The following COL5A2 variants were observed in gnomAD, a reference collection of about 807,000 sequenced individuals.
The protein encoded by COL5A2 is collagen type V alpha 2 chain.
A neutral mutation model predicts 208.2 loss-of-function variants in COL5A2; 23 were observed. The observed-to-expected ratio is 0.11, with a 90% CI of 0.08 to 0.16. The LOEUF (loss-of-function observed/expected upper bound fraction) is 0.16. Among genes scored for constraint, COL5A2 ranks in the 10% least tolerant of loss-of-function variants. COL5A2 has a pLI of 1.00. For synonymous variants in COL5A2, 625 were observed against 628.5 expected (o/e 0.99, Z 0.08); for missense variants, 1,590 against 1,956.4 (o/e 0.81, Z 3.53).
the COL5A2 span, among the ~76,000 whole-genome samples, chr2:189,240,856 A>G: frequency 1.3e-5 from 2 of 152,200 alleles, no homozygotes; most frequent in African/African-American, 4.8e-5. Flanking sequence ...GCAATCAATA[A>G]AATCTAAGAC....
Position 189,063,257 on chromosome 2 carries a change from T to C in COL5A2, c.1784A>G (p.Glu595Gly). 6.2e-7 allele frequency: 1 copy of C among 1,613,856 alleles called. No homozygotes were observed. Among genetic ancestry groups the C allele is most frequent in the Non-Finnish European group, 8.5e-7 (1 of 1,179,962 alleles). Residue 595 changes from glutamate to glycine, a missense_variant, in exon 27 of 54, where the codon GAA becomes GGA. Transcript: ENST00000374866. Reference sequence around the variant, plus strand: ...GCCTGGAGGACCTGGACGGCCATCTTCCCCTGGCGCACCCTATAGAATTGA... The same window carrying C: ...GCCTGGAGGACCTGGACGGCCATCTCCCCCTGGCGCACCCTATAGAATTGA... ...GKLGPLGAPG[E>G]DGRPGPPGSI...
intron 29 of COL5A2, among the ~76,000 whole-genome samples, chr2:189,062,163 T>C (rs1316620824): frequency 2.1e-5 from 3 of 143,362 alleles, no homozygotes; most frequent in Non-Finnish European, 3.0e-5. Flanking sequence ...TCCTTTTATG[T>C]CCTAAAAAAT....
At chr2:189,178,742 G>A in intron 1 of COL5A2, among the ~76,000 whole-genome samples, 1 of 148,706 alleles carries the variant, frequency 6.7e-6, no homozygotes, top group East Asian at 2.0e-4. Flanking sequence ...TTGGGTCTAA[G>A]GGGTAATGTC....
chr2:189,249,689 G>GT, the COL5A2 span, among the ~76,000 whole-genome samples: 1 of 152,110 alleles, frequency 6.6e-6, no homozygotes, highest in Non-Finnish European at 1.5e-5. Flanking sequence ...AGTTATCTGT[G>GT]TTTTTGGTTT....
the COL5A2 span, among the ~76,000 whole-genome samples, chr2:189,347,666 A>G: frequency 6.6e-6 from 1 of 152,290 alleles, no homozygotes. Flanking sequence ...TAAAAGGGCC[A>G]GTCTTGACAT....
At chr2:189,301,357 G>A in the COL5A2 span, among the ~76,000 whole-genome samples, 81 of 152,204 alleles carry the variant, frequency 5.3e-4, no homozygotes, top group African/African-American at 1.9e-3. Flanking sequence ...ACCACTTAAA[G>A]CCAAGTAAAA....
At chr2:189,410,273 C>A in the COL5A2 span, among the ~76,000 whole-genome samples, 1 of 152,050 alleles carries the variant, frequency 6.6e-6, no homozygotes, top group African/African-American at 2.4e-5. Flanking sequence ...ATCATTTAGT[C>A]ATCAAACTTG....
chr2:189,049,554 T>A, intron 43 of COL5A2, 100 bp from the exon 44 acceptor site: 2 of 857,462 alleles, frequency 2.3e-6, no homozygotes, highest in Non-Finnish European at 3.8e-6. Context: ...GGGCTCCTTC[T>A]ATAATAATAA....
At chr2:189,333,745 A>C in the COL5A2 span, among the ~76,000 whole-genome samples, 1 of 152,202 alleles carries the variant, frequency 6.6e-6, no homozygotes, top group South Asian at 2.1e-4. Flanking sequence ...GAACTCACCA[A>C]TCTATCAGTC....
the COL5A2 span, among the ~76,000 whole-genome samples, chr2:189,324,260 G>T: frequency 6.6e-6 from 1 of 152,166 alleles, no homozygotes; most frequent in African/African-American, 2.4e-5. Flanking sequence ...CATGGGCAAG[G>T]ATTTCATGTC....
chr2:189,353,465 T>C, the COL5A2 span, among the ~76,000 whole-genome samples: 3 of 152,220 alleles, frequency 2.0e-5, no homozygotes, highest in Non-Finnish European at 4.4e-5. Context: ...TCTTATTTCC[T>C]TGAGCAGTGG....
chr2:189,358,854 G>C, the COL5A2 span, among the ~76,000 whole-genome samples: 2 of 143,044 alleles, frequency 1.4e-5, no homozygotes, highest in Non-Finnish European at 1.6e-5. Flanking sequence ...TTGCCTTCTT[G>C]ATTTTTTTTT....
intron 14 of COL5A2, 36 bp downstream of exon 14, chr2:189,079,942 C>G: frequency 6.3e-7 from 1 of 1,579,486 alleles, no homozygotes; most frequent in Non-Finnish European, 8.7e-7. Context: ...ACTAAGATGC[C>G]AAAGTGAGGT....
chr2:189,361,608 C>G, the COL5A2 span, among the ~76,000 whole-genome samples: 1 of 151,566 alleles, frequency 6.6e-6, no homozygotes, highest in Non-Finnish European at 1.5e-5. Context: ...AATTTACATT[C>G]AAATTTATTA....
At chr2:189,283,721 C>T in the COL5A2 span, among the ~76,000 whole-genome samples, 30 of 151,872 alleles carry the variant, frequency 2.0e-4, no homozygotes, top group Non-Finnish European at 3.7e-4. Flanking sequence ...GACAAATGTG[C>T]CATGTCAATA....
intron 23 of COL5A2, among the ~76,000 whole-genome samples, chr2:189,065,692 G>A (rs572058037): frequency 2.6e-5 from 4 of 152,238 alleles, no homozygotes; most frequent in African/African-American, 9.6e-5. Context: ...TTTGTGAAAC[G>A]CTTTGCATTC....
In COL5A2 at chr2:189,034,083, A is replaced by G. The variant is rs1392915983; in HGVS notation, c.4487T>C (p.Val1496Ala). 1 of 1,613,962 alleles carries G rather than the reference A, an allele frequency of 6.2e-7. No individual in the cohort carries two copies. The highest frequency in any genetic ancestry group is 1.7e-5 in the Admixed American group (1 of 60,006). ...TCTTGGCTTACTTTACACAAAACAA[A>G]CTGGCCCAATTTCAACGCCGAATTC... Reference protein sequence around the residue: ...DQEFGVEIGPVCFV With the variant: ...DQEFGVEIGPACFV The change falls in exon 54 of 54, where the codon GTT (valine) becomes GCT (alanine). Residue 1496 changes from valine (V) to alanine (A), a missense_variant. Coordinates refer to ENST00000374866, the MANE Select transcript of COL5A2 (RefSeq NM_000393.5).
rs368884473 is a variant in COL5A2 at position 189,153,981 on chromosome 2, G to C, written c.97+25527C>G. Among the ~76,000 whole-genome samples the C allele has an allele frequency of 3.6e-4, 55 of 152,144 alleles. 1 individual carries two copies. The highest frequency in any genetic ancestry group is 1.1e-3 in the African/African-American group (45 of 41,504). On this transcript the variant is annotated intron_variant, in intron 1 of 53. Transcript: ENST00000374866. The stretch of plus-strand genomic sequence containing the variant: ...AGCTTTCCAATATTCCCTGGCTATG[G>C]AAAATTGCAACCTACTGACTGCAAA...
intron 1 of COL5A2, among the ~76,000 whole-genome samples, chr2:189,167,845 T>A (rs1172483872): frequency 6.6e-6 from 1 of 152,060 alleles, no homozygotes; most frequent in Non-Finnish European, 1.5e-5. Flanking sequence ...GGCATAACAC[T>A]GTAGCACCTT....
Sources: allele counts gnomAD v4.1 joint callset (sites outside exome capture counted in the v4.1 genomes callset), GRCh38; gene constraint gnomAD v4.1.1; transcripts MANE v1.5; gene names NCBI Gene and HGNC (gene_info 2026-07-23, HGNC 2026-07-21).